The following MSH4 variants were observed in gnomAD, a reference collection of about 807,000 sequenced individuals.
MSH4 encodes the protein mutS protein homolog 4.
A neutral mutation model predicts 113.7 loss-of-function variants in MSH4; 106 were observed. The ratio of observed to expected loss-of-function variants is 0.93; its 90% CI spans 0.80 to 1.10. The LOEUF (loss-of-function observed/expected upper bound fraction) is 1.10, where lower values mean the gene tolerates loss of function less well. Among genes scored for constraint, MSH4 ranks in the 50% least tolerant of loss-of-function variants. The pLI, the probability that MSH4 is intolerant of heterozygous loss-of-function variation, is 0.00. For synonymous variants in MSH4, 368 were observed against 380.2 expected (o/e 0.97, Z 0.37); for missense variants, 1,061 against 1,093.7 (o/e 0.97, Z 0.42).
At chr1:75,826,413 TC>T (rs1307246427) in intron 7 of MSH4, among the ~76,000 whole-genome samples, 3 of 152,206 alleles carry the variant, frequency 2.0e-5, no homozygotes, top group Non-Finnish European at 4.4e-5. Flanking sequence ...AAAAACCAGC[TC>T]CCCGGTTCAT....
At chr1:75,800,861 C>T (rs1325487957) in intron 1 of MSH4, among the ~76,000 whole-genome samples, 3 of 151,908 alleles carry the variant, frequency 2.0e-5, no homozygotes, top group South Asian at 4.1e-4. Flanking sequence ...ATAATAGAAA[C>T]GTTTCATACT....
At position 75,890,754 on chromosome 1, in the gene MSH4, G is replaced by A. The variant is rs755595713; in HGVS notation, c.2285G>A (p.Gly762Asp). The change falls in exon 17 of 20, where the codon GGC (glycine) becomes GAC (aspartate). Residue 762 changes from glycine to aspartate, a missense_variant. Coordinates refer to ENST00000263187, the MANE Select transcript of MSH4 (RefSeq NM_002440.4). ...DKSLILIDEL[G>D]RGTNTEEGIG... is the part of the protein sequence containing the mutation. The stretch of plus-strand genomic sequence containing the variant: ...TCGCTCATATTAATTGATGAACTTG[G>A]CAGAGGTACTAATACGGAAGAAGGT... 2 of 1,610,318 alleles carry A rather than the reference G, an allele frequency of 1.2e-6. No homozygotes were observed. The highest frequency in any genetic ancestry group is 1.7e-6 in the Non-Finnish European group (2 of 1,178,080).
At chr1:75,857,003 A>G (rs146229212) in intron 8 of MSH4, among the ~76,000 whole-genome samples, 351 of 152,148 alleles carry the variant, frequency 2.3e-3, no homozygotes, top group Non-Finnish European at 3.9e-3. Context: ...GATGGTATCT[A>G]GTTGTGGTTT....
Position 75,878,296 on chromosome 1 carries a change from A to G in MSH4, c.1518A>G (p.Thr506=), listed in dbSNP as rs1330947109. The change falls in exon 11 of 20, where the codon ACA becomes ACG. Residue 506 remains threonine, a synonymous_variant. Transcript: ENST00000263187. The stretch of plus-strand genomic sequence containing the variant: ...TTGACATAGCAAGAAGAACATACAC[A>G]GAGATTGTAGATGACATAGCAGGTA... ...EFLDIARRTY[T]EIVDDIAGMI... The G allele has an allele frequency of 1.8e-5, 28 of 1,595,840 alleles. No individual in the cohort carries two copies. The highest frequency in any genetic ancestry group is 2.1e-5 in the Non-Finnish European group (25 of 1,175,404).
At chr1:75,905,672 T>G (rs1652610157) in intron 19 of MSH4, among the ~76,000 whole-genome samples, 4 of 152,162 alleles carry the variant, frequency 2.6e-5, no homozygotes, top group African/African-American at 9.7e-5. Context: ...AGTATTGTAT[T>G]GCAGTCTATA....
intron 3 of MSH4, among the ~76,000 whole-genome samples, chr1:75,808,354 G>A (rs1240133804): frequency 6.6e-6 from 1 of 152,110 alleles, no homozygotes; most frequent in African/African-American, 2.4e-5. Context: ...TATTATACCT[G>A]TGTGACTGTC....
At chr1:75,820,171 T>G (rs1223126383) in intron 6 of MSH4, among the ~76,000 whole-genome samples, 2 of 152,190 alleles carry the variant, frequency 1.3e-5, no homozygotes, top group Non-Finnish European at 2.9e-5. Context: ...TATCTTGCTA[T>G]TATGGATGGA....
intron 12 of MSH4, 88 bp downstream of exon 12, chr1:75,879,216 C>T: frequency 7.9e-6 from 10 of 1,269,034 alleles, no homozygotes; most frequent in Non-Finnish European, 1.1e-5. Context: ...GTTTTGCAAG[C>T]CAAATTTCTG....
intron 1 of MSH4, among the ~76,000 whole-genome samples, chr1:75,800,243 C>T (rs1281109312): frequency 6.6e-6 from 1 of 152,122 alleles, no homozygotes; most frequent in Non-Finnish European, 1.5e-5. Flanking sequence ...GTTCTACACA[C>T]GTCTTTATGA....
At chr1:75,878,339 T>A (rs1436030945) in intron 11 of MSH4, 21 bp downstream of exon 11, 2 of 1,559,558 alleles carry the variant, frequency 1.3e-6, no homozygotes, top group South Asian at 2.4e-5. Flanking sequence ...TATTTGATAA[T>A]GTTTTTTGTA....
intron 1 of MSH4, among the ~76,000 whole-genome samples, chr1:75,800,040 T>C (rs34892795): frequency 0.041 from 6,170 of 152,094 alleles, 149 homozygotes; most frequent in African/African-American, 0.043. Context: ...TATAGCAAAA[T>C]AGAGGTCAAG....
At chr1:75,822,978 T>C (rs1650456212) in intron 7 of MSH4, among the ~76,000 whole-genome samples, 1 of 152,214 alleles carries the variant, frequency 6.6e-6, no homozygotes, top group South Asian at 2.1e-4. Context: ...TACTCCATGG[T>C]TTAAAACAAC....
Position 75,858,860 on chromosome 1 carries a change from C to T in MSH4, c.1231-8654C>T, listed in dbSNP as rs562551776. Among the ~76,000 whole-genome samples the T allele has an allele frequency of 4.0e-4, 61 of 152,250 alleles. 1 individual carries two copies. Among genetic ancestry groups the T allele is most frequent in the African/African-American group, 1.4e-3 (59 of 41,542 alleles). ...GAATGGTCCCAGCTCCTCTTTGTAC[C>T]TCTGGTAGAATTTGGCTATGAATCC... On this transcript the variant is annotated intron_variant, in intron 8 of 19. Transcript: ENST00000263187.
chr1:75,805,225 C>T (rs908048840), intron 2 of MSH4, among the ~76,000 whole-genome samples: 1 of 152,094 alleles, frequency 6.6e-6, no homozygotes, highest in African/African-American at 2.4e-5. Flanking sequence ...TACATTTATG[C>T]TGTTATCTCT....
intron 5 of MSH4, among the ~76,000 whole-genome samples, chr1:75,816,129 C>T (rs1421559878): frequency 2.6e-5 from 4 of 152,082 alleles, no homozygotes; most frequent in Admixed American, 1.3e-4. Context: ...CAGGATTTAT[C>T]GGAATTTAAA....
At chr1:75,819,605 T>TAA in intron 6 of MSH4, among the ~76,000 whole-genome samples, 1 of 152,388 alleles carries the variant, frequency 6.6e-6, no homozygotes, top group Middle Eastern at 3.4e-3. Flanking sequence ...TTGAATACCA[T>TAA]AAGGGCTCAA....
chr1:75,832,445 A>C (rs1025291515), intron 7 of MSH4, among the ~76,000 whole-genome samples: 4 of 152,102 alleles, frequency 2.6e-5, no homozygotes, highest in African/African-American at 9.7e-5. Flanking sequence ...TGAGGCTGGC[A>C]ACATCCTGAT....
At chr1:75,850,716 C>G (rs996474531) in intron 8 of MSH4, among the ~76,000 whole-genome samples, 1 of 151,864 alleles carries the variant, frequency 6.6e-6, no homozygotes, top group East Asian at 1.9e-4. Flanking sequence ...TGGTGTTTTA[C>G]GTTTTTTTGT....
rs373060158 is a variant in MSH4, at chr1:75,878,246, G to T, written c.1468G>T (p.Val490Leu). The change falls in exon 11 of 20, where the codon GTG (valine) becomes TTG (leucine). Residue 490 changes from valine to leucine, a missense_variant. Val to Leu is a conservative substitution (Grantham distance 32, BLOSUM62 1). Coordinates refer to ENST00000263187, the MANE Select transcript of MSH4 (RefSeq NM_002440.4). ...CATGAGGACTCAGAAGTGCTATGCA[G>T]TGAGGTCTAACATAAATGAATTTCT... ...LNMRTQKCYAVRSNINEFLDI... is the reference protein window; with the variant it reads ...LNMRTQKCYALRSNINEFLDI... 16 of 1,610,532 alleles carry T rather than the reference G, an allele frequency of 9.9e-6. No individual in the cohort carries two copies. Among genetic ancestry groups the T allele is most frequent in the African/African-American group, 1.3e-5 (1 of 74,904 alleles).
Sources: gnomAD v4.1 joint callset for allele counts (sites outside exome capture counted in the v4.1 genomes callset) on GRCh38, gnomAD v4.1.1 for gene constraint, MANE v1.5 for transcripts, NCBI Gene and HGNC (gene_info 2026-07-23, HGNC 2026-07-21) for gene names.